Variants in ZMAT4 observed in about 807,000 individuals in gnomAD.
ZMAT4 encodes the protein zinc finger matrin-type 4.
A neutral mutation model predicts 28.7 loss-of-function variants in ZMAT4; 17 were observed. The ratio of observed to expected loss-of-function variants is 0.59; its 90% confidence interval spans 0.41 to 0.89. ZMAT4 has a LOEUF of 0.89. Among genes scored for constraint, ZMAT4 ranks in the 40% least tolerant of loss-of-function variants. The pLI, the probability that ZMAT4 is intolerant of heterozygous loss-of-function variation, is 0.00. For synonymous variants in ZMAT4, 117 were observed against 109.2 expected, an observed-to-expected ratio of 1.07 and a Z score of -0.44; for missense variants, 240 against 283.8, an observed-to-expected ratio of 0.85 and a Z score of 1.11.
At chr8:40,746,787 T>C (rs1453282516) in intron 3 of ZMAT4, among the ~76,000 whole-genome samples, 1 of 152,232 alleles carries the variant, frequency 6.6e-6, no homozygotes, top group Non-Finnish European at 1.5e-5. Flanking sequence ...GCCTTTTCTA[T>C]GACGACATCC....
intron 2 of ZMAT4, among the ~76,000 whole-genome samples, chr8:40,823,774 C>T (rs1364636343): frequency 2.6e-5 from 4 of 152,024 alleles, no homozygotes; most frequent in South Asian, 2.1e-4. Context: ...TAATTTCAAA[C>T]GATGGACTTT....
intron 1 of ZMAT4, among the ~76,000 whole-genome samples, chr8:40,830,468 G>A (rs1199012648): frequency 6.6e-6 from 1 of 152,046 alleles, no homozygotes; most frequent in African/African-American, 2.4e-5. Flanking sequence ...CACTTAAAAT[G>A]GTGTCCTCTA....
At chr8:40,875,654 T>G (rs1278209629) in intron 1 of ZMAT4, among the ~76,000 whole-genome samples, 1 of 152,070 alleles carries the variant, frequency 6.6e-6, no homozygotes, top group Admixed American at 6.5e-5. Flanking sequence ...AGTCAGCGCT[T>G]CAGCCCCAGG....
chr8:40,890,279 T>C (rs1818622923), intron 1 of ZMAT4, among the ~76,000 whole-genome samples: 2 of 152,206 alleles, frequency 1.3e-5, no homozygotes, highest in Non-Finnish European at 2.9e-5. Context: ...TTAATTTAAA[T>C]GTCCAGTGTG....
At chr8:40,619,612 G>A (rs1806127869) in intron 5 of ZMAT4, among the ~76,000 whole-genome samples, 1 of 152,228 alleles carries the variant, frequency 6.6e-6, no homozygotes, top group African/African-American at 2.4e-5. Context: ...AGGGAGACAG[G>A]ACAGGCATGC....
At position 40,702,725 on chromosome 8, in the gene ZMAT4, C is replaced by G. The variant is rs931551782; in HGVS notation, c.193-5324G>C. Among the ~76,000 whole-genome samples the G allele has an allele frequency of 2.0e-5, 3 of 152,262 alleles. No individual in the cohort carries two copies. The South Asian group carries it at 6.2e-4, about 32-fold the overall frequency. ...CAGAGTGAGGAGTTCGGTGAAACTC[C>G]TTATGGAGAAAACACACGAGTTAGC... On this transcript the variant is annotated intron_variant, in intron 3 of 6. Transcript: ENST00000297737.
At chr8:40,533,638 T>C (rs1035768803) in intron 6 of ZMAT4, among the ~76,000 whole-genome samples, 1 of 152,234 alleles carries the variant, frequency 6.6e-6, no homozygotes, top group African/African-American at 2.4e-5. Context: ...TCATAGAATA[T>C]TCTTAGGATC....
intron 1 of ZMAT4, among the ~76,000 whole-genome samples, chr8:40,853,674 A>C (rs1033579364): frequency 6.6e-6 from 1 of 152,180 alleles, no homozygotes; most frequent in Non-Finnish European, 1.5e-5. Flanking sequence ...AGGCAGTTGC[A>C]CTGATTTTCA....
intron 6 of ZMAT4, among the ~76,000 whole-genome samples, chr8:40,538,710 G>A (rs1802926677): frequency 6.6e-6 from 1 of 151,802 alleles, no homozygotes; most frequent in Admixed American, 6.6e-5. Context: ...AATCTTTCCT[G>A]ACTCCCCTTT....
At chr8:40,846,239 A>ATC (rs754266470) in intron 1 of ZMAT4, among the ~76,000 whole-genome samples, 1 of 151,922 alleles carries the variant, frequency 6.6e-6, no homozygotes, top group Non-Finnish European at 1.5e-5. Flanking sequence ...AACCTTTTAC[A>ATC]TCTCTCTCTC....
At chr8:40,812,934 A>AAAAATAAAATAAAATAAAAT (rs1449323614) in intron 2 of ZMAT4, among the ~76,000 whole-genome samples, 2 of 41,066 alleles carry the variant, frequency 4.9e-5, no homozygotes. Flanking sequence ...ACTCCATCTC[A>AAAAATAAAATAAAATAAAAT]AAAATTAAAT....
At chr8:40,577,188 C>A (rs563753720) in intron 6 of ZMAT4, among the ~76,000 whole-genome samples, 1 of 151,872 alleles carries the variant, frequency 6.6e-6, no homozygotes, top group South Asian at 2.1e-4. Flanking sequence ...GAGTGAAACT[C>A]CATCTCAAAA....
Position 40,892,963 on chromosome 8 carries a change from A to T in ZMAT4, c.-5+4720T>A, listed in dbSNP as rs1329632232. ...GCCCCTGCTTATCCGTTTCCTAAAG[A>T]TCATCACAGAGGCTCAACAACCTTC... On this transcript the variant is annotated intron_variant, in intron 1 of 6. Transcript: ENST00000297737. Among the ~76,000 whole-genome samples, 7 of 152,282 alleles carry T rather than the reference A, an allele frequency of 4.6e-5. No homozygotes were observed. In the East Asian group the frequency reaches 1.4e-3, roughly 29 times the overall value.
chr8:40,607,124 T>C (rs1805621159), intron 5 of ZMAT4, among the ~76,000 whole-genome samples: 1 of 95,940 alleles, frequency 1.0e-5, no homozygotes, highest in Non-Finnish European at 1.9e-5. Flanking sequence ...TATCTTTTTT[T>C]TTTTTTTTTT....
intron 5 of ZMAT4, among the ~76,000 whole-genome samples, chr8:40,632,211 C>T (rs1430128753): frequency 6.6e-6 from 1 of 152,092 alleles, no homozygotes; most frequent in Non-Finnish European, 1.5e-5. Flanking sequence ...TTTTTAGATG[C>T]AAGGATTTCC....
intron 5 of ZMAT4, among the ~76,000 whole-genome samples, chr8:40,656,566 A>G (rs1187100045): frequency 1.3e-5 from 2 of 152,180 alleles, no homozygotes; most frequent in East Asian, 1.9e-4. Flanking sequence ...ATAAACAAAA[A>G]GTGTACCTAC....
At chr8:40,724,715 C>T (rs961295140) in intron 3 of ZMAT4, among the ~76,000 whole-genome samples, 3 of 152,152 alleles carry the variant, frequency 2.0e-5, no homozygotes, top group African/African-American at 7.2e-5. Context: ...CTGGGGCCTT[C>T]ACAGAGGAAG....
chr8:40,546,960 C>G (rs111540986), intron 6 of ZMAT4, among the ~76,000 whole-genome samples: 1 of 152,158 alleles, frequency 6.6e-6, no homozygotes, highest in African/African-American at 2.4e-5. Flanking sequence ...CACACACTCA[C>G]GCACACACAC....
intron 2 of ZMAT4, among the ~76,000 whole-genome samples, chr8:40,824,732 G>GAAGA (rs1554564956): frequency 1.6e-5 from 2 of 127,152 alleles, no homozygotes; most frequent in East Asian, 2.1e-4. Flanking sequence ...AAGAAAGAAA[G>GAAGA]AAGAAAGAAA....
Sources: gnomAD v4.1 joint callset for allele counts (sites outside exome capture counted in the v4.1 genomes callset) on GRCh38, gnomAD v4.1.1 for gene constraint, MANE v1.5 for transcripts, NCBI Gene and HGNC (gene_info 2026-07-23, HGNC 2026-07-21) for gene names.